EGLN3: variants seen among roughly 807,000 people sequenced by gnomAD.
EGLN3 encodes the protein egl-9 family hypoxia inducible factor 3.
EGLN3 carries 15 observed loss-of-function variants against 26.0 expected under a neutral mutation model. That is an observed-to-expected ratio of 0.58 (90% CI 0.39 to 0.89). The LOEUF is 0.89. EGLN3 is among the 40% of genes least tolerant of loss of function. The pLI is 0.00. For missense variants in EGLN3, 238 were observed against 311.6 expected, an observed-to-expected ratio of 0.76 and a Z score of 1.78; for synonymous variants, 147 against 127.2, an observed-to-expected ratio of 1.16 and a Z score of -1.05.
At chr14:33,937,773 G>C (rs980896351) in intron 1 of EGLN3, among the ~76,000 whole-genome samples, 7 of 152,070 alleles carry the variant, frequency 4.6e-5, no homozygotes, top group Non-Finnish European at 1.0e-4. Context: ...TCTCTCCCAA[G>C]GTAGAACAAC....
Position 33,925,690 on chromosome 14 carries a change from CT to C in EGLN3, c.*200del, listed in dbSNP as rs2064357172. 1 of 609,748 alleles carries C rather than the reference CT, an allele frequency of 1.6e-6. No individual in the cohort carries two copies. Among genetic ancestry groups the C allele is most frequent in the African/African-American group, 1.9e-5 (1 of 53,764 alleles). The allele number at this position is 609,748 out of a possible 1,614,324, so 37.8% of individuals were successfully genotyped here. ...TTCTGGAGTTAGCAAGTAACTTCAT[CT>C]GGCAAAGAGAGTATCTGAAGATCAA... On this transcript the variant is annotated 3_prime_UTR_variant, in exon 5 of 5. Coordinates refer to ENST00000250457, the MANE Select transcript of EGLN3 (RefSeq NM_022073.4).
chr14:33,948,816 C>T (rs764107984), intron 1 of EGLN3: 10 of 152,152 alleles, frequency 6.6e-5, no homozygotes, highest in Non-Finnish European at 1.2e-4. Flanking sequence ...TTACAAGAAA[C>T]ATTTAAAAAC....
chr14:33,944,960 CTT>C (rs777048611), intron 1 of EGLN3, among the ~76,000 whole-genome samples: 8 of 152,184 alleles, frequency 5.3e-5, no homozygotes, highest in Non-Finnish European at 1.0e-4. Context: ...ACCCTCCTGC[CTT>C]TTTTGTTTCC....
chr14:33,947,972 C>CA (rs1394703836), intron 1 of EGLN3, among the ~76,000 whole-genome samples: 1 of 152,080 alleles, frequency 6.6e-6, no homozygotes, highest in African/African-American at 2.4e-5. Context: ...CACTTGAACC[C>CA]AGGAGGCAGA....
chr14:33,931,425 G>A lies in EGLN3; in HGVS notation c.358-210C>T, dbSNP rs1457695524. ...ATACTATGGCTCTGCCCAGTGGAAA[G>A]TAGTTCAACAATATTCCCACAGTTC... is the stretch of plus-strand genomic sequence containing the variant. On this transcript the variant is annotated intron_variant, in intron 1 of 4. Coordinates refer to ENST00000250457, the MANE Select transcript of EGLN3 (RefSeq NM_022073.4). The A allele has an allele frequency of 3.0e-5, 18 of 598,320 alleles. 1 individual carries two copies. Among genetic ancestry groups the A allele is most frequent in the Non-Finnish European group, 5.1e-5 (18 of 354,748 alleles). 37.1% of individuals were successfully genotyped at this position (598,320 alleles called of 1,614,324 possible). A position where few individuals can be genotyped will look rare whatever the true frequency, so the allele number is the denominator to read the frequency against.
At chr14:33,942,644 T>C (rs1334709997) in intron 1 of EGLN3, among the ~76,000 whole-genome samples, 1 of 152,182 alleles carries the variant, frequency 6.6e-6, no homozygotes, top group Non-Finnish European at 1.5e-5. Flanking sequence ...AAATAGATGT[T>C]ATTGACACCT....
At position 33,929,349 on chromosome 14, in the gene EGLN3, C is replaced by T; in HGVS notation, c.478-137G>A. 3 of 1,100,844 alleles carry T rather than the reference C, an allele frequency of 2.7e-6. No homozygotes were observed. The South Asian group carries it at 4.8e-5, about 18-fold the overall frequency. The allele number at this position is 1,100,844 out of a possible 1,614,324, so 68.2% of individuals were successfully genotyped here. A position where few individuals can be genotyped will look rare whatever the true frequency, so the allele number is the denominator to read the frequency against. ...ATGGTACCCCAGATTTTTACTTCAA[C>T]CTCATAGTTTGTACCAATTTGAGAT... On this transcript the variant is annotated intron_variant, in intron 2 of 4. Transcript: ENST00000250457.
chr14:33,929,284 A>G (rs1197952408), intron 2 of EGLN3, 72 bp from the exon 3 acceptor site: 4 of 1,561,272 alleles, frequency 2.6e-6, no homozygotes, highest in Non-Finnish European at 3.5e-6. Flanking sequence ...TTTCAGCTCC[A>G]TTTAGAAACA....
chr14:33,928,988 C>T, intron 3 of EGLN3, 88 bp downstream of exon 3: 1 of 1,504,446 alleles, frequency 6.6e-7, no homozygotes, highest in Non-Finnish European at 9.0e-7. Context: ...CAATCCCCCA[C>T]ATGCACAGGA....
intron 1 of EGLN3, among the ~76,000 whole-genome samples, chr14:33,943,888 A>T (rs544247801): frequency 6.6e-6 from 1 of 152,318 alleles, no homozygotes; most frequent in Admixed American, 6.5e-5. Flanking sequence ...AATTTTACCA[A>T]TTTTGCTTGA....
chr14:33,946,491 G>A (rs2064519391), intron 1 of EGLN3, among the ~76,000 whole-genome samples: 1 of 152,154 alleles, frequency 6.6e-6, no homozygotes, highest in Admixed American at 6.6e-5. Context: ...TTAAGCCTAA[G>A]AATTAGTCAA....
chr14:33,944,784 C>T (rs923084731), intron 1 of EGLN3, among the ~76,000 whole-genome samples: 1 of 152,228 alleles, frequency 6.6e-6, no homozygotes, highest in African/African-American at 2.4e-5. Flanking sequence ...GGGCACTTCC[C>T]TTCCCCATCC....
chr14:33,942,598 A>G (rs2064490999), intron 1 of EGLN3, among the ~76,000 whole-genome samples: 1 of 152,198 alleles, frequency 6.6e-6, no homozygotes, highest in Non-Finnish European at 1.5e-5. Context: ...GACAACTTCA[A>G]AAAGATGGAA....
In EGLN3 at chr14:33,929,422, G is replaced by T. The variant is rs113600513; in HGVS notation, c.478-210C>A. ...GGCTGGAGTGCAATGGCACGATCTC[G>T]TTTCACTGCCACTTCCACCTCCCTG... On this transcript the variant is annotated intron_variant, in intron 2 of 4. Coordinates refer to ENST00000250457, the MANE Select transcript of EGLN3 (RefSeq NM_022073.4). Among the ~76,000 whole-genome samples, 134 of 152,232 alleles carry T rather than the reference G, an allele frequency of 8.8e-4. 1 individual carries two copies. The highest frequency in any genetic ancestry group is 3.0e-3 in the African/African-American group (126 of 41,544).
chr14:33,930,671 G>A (rs1274252326), intron 2 of EGLN3, among the ~76,000 whole-genome samples: 1 of 152,166 alleles, frequency 6.6e-6, no homozygotes, highest in African/African-American at 2.4e-5. Context: ...GACTGTGTGG[G>A]AAATCTCTCT....
intron 1 of EGLN3, among the ~76,000 whole-genome samples, chr14:33,931,638 A>G (rs1169428770): frequency 2.0e-5 from 3 of 152,236 alleles, no homozygotes; most frequent in Admixed American, 2.0e-4. Context: ...GTGCTGCTGA[A>G]TCACTCACAC....
chr14:33,925,398 AC>A lies in EGLN3; in HGVS notation c.*492del, dbSNP rs1474925531. 1 of 156,664 alleles carries A rather than the reference AC, an allele frequency of 6.4e-6. No homozygotes were observed. Among genetic ancestry groups the A allele is most frequent in the Non-Finnish European group, 1.4e-5 (1 of 70,588 alleles). 9.7% of individuals were successfully genotyped at this position (156,664 alleles called of 1,614,324 possible). A position where few individuals can be genotyped will look rare whatever the true frequency, so the allele number is the denominator to read the frequency against. On this transcript the variant is annotated 3_prime_UTR_variant, in exon 5 of 5. Coordinates refer to ENST00000250457, the MANE Select transcript of EGLN3 (RefSeq NM_022073.4). ...ATTAGGTTGTGATAATTCTCCAGAA[AC>A]CCCAACAGCCCTGGATTAAGAACAT...
rs900847903 is a variant in EGLN3, at chr14:33,942,703, G to T, written c.357+7693C>A. On this transcript the variant is annotated intron_variant, in intron 1 of 4. Transcript: ENST00000250457. ...TTCTTCCCACTGACAAAGAATTGAG[G>T]TTACTATCATATTATTTGATTCTTT... Among the ~76,000 whole-genome samples the T allele has an allele frequency of 7.9e-5, 12 of 151,978 alleles. 1 individual carries two copies. The highest frequency in any genetic ancestry group is 2.7e-4 in the African/African-American group (11 of 41,380).
intron 3 of EGLN3, among the ~76,000 whole-genome samples, chr14:33,927,984 T>A (rs977298547): frequency 3.9e-5 from 6 of 152,164 alleles, no homozygotes; most frequent in African/African-American, 1.4e-4. Flanking sequence ...GTAATGATTG[T>A]TAGCTACTTC....
Sources: allele counts gnomAD v4.1 joint callset (sites outside exome capture counted in the v4.1 genomes callset), GRCh38; gene constraint gnomAD v4.1.1; transcripts MANE v1.5; gene names NCBI Gene and HGNC (gene_info 2026-07-23, HGNC 2026-07-21).